The following METTL15 variants were observed in gnomAD, a reference collection of about 807,000 sequenced individuals.
METTL15 encodes methyltransferase 15, mitochondrial 12S rRNA N4-cytidine, also known as 12S rRNA N(4)-cytidine methyltransferase METTL15.
In METTL15, 34 loss-of-function variants were observed where a neutral mutation model predicts 38.3. The ratio of observed to expected loss-of-function variants is 0.89; its 90% CI spans 0.68 to 1.18. The LOEUF (loss-of-function observed/expected upper bound fraction) is 1.18. Among genes scored for constraint, METTL15 ranks in the 50% most tolerant of loss-of-function variants. The pLI is 0.00. For synonymous variants in METTL15, 162 were observed against 170.9 expected, an observed-to-expected ratio of 0.95 and a Z score of 0.41; for missense variants, 438 against 498.4, an observed-to-expected ratio of 0.88 and a Z score of 1.15.
intron 3 of METTL15, among the ~76,000 whole-genome samples, chr11:28,188,840 C>T (rs1253440882): frequency 2.6e-5 from 4 of 151,180 alleles, no homozygotes; most frequent in East Asian, 1.9e-4. Flanking sequence ...AGTGTCATTA[C>T]GAACTCCTTT....
intron 5 of METTL15, among the ~76,000 whole-genome samples, chr11:28,369,446 G>T (rs984492532): frequency 1.3e-5 from 2 of 151,922 alleles, no homozygotes; most frequent in African/African-American, 2.4e-5. Flanking sequence ...AATTCAAGGA[G>T]CTCAAAGGAC....
chr11:28,220,754 C>T (rs1188404028), intron 4 of METTL15, among the ~76,000 whole-genome samples: 15 of 152,110 alleles, frequency 9.9e-5, no homozygotes, highest in Admixed American at 9.8e-4. Context: ...TAGGGCAGGG[C>T]TGGTGGTGAC....
intron 5 of METTL15, among the ~76,000 whole-genome samples, chr11:28,372,561 T>G (rs551198235): frequency 1.3e-5 from 2 of 152,042 alleles, no homozygotes; most frequent in East Asian, 3.9e-4. Context: ...TTGACATTTC[T>G]TAAAAATAAC....
chr11:28,315,576 T>C (rs1857450064), intron 6 of METTL15, among the ~76,000 whole-genome samples: 1 of 152,238 alleles, frequency 6.6e-6, no homozygotes. Flanking sequence ...CCAAGCTGAC[T>C]GCAGAAATTT....
chr11:28,411,283 G>T (rs904772827), intron 5 of METTL15, among the ~76,000 whole-genome samples: 1 of 151,762 alleles, frequency 6.6e-6, no homozygotes, highest in Non-Finnish European at 1.5e-5. Context: ...ATCGCCAATA[G>T]CCAAATAAAT....
chr11:28,282,399 A>G (rs1242496081), intron 4 of METTL15, among the ~76,000 whole-genome samples: 2 of 152,226 alleles, frequency 1.3e-5, no homozygotes, highest in African/African-American at 4.8e-5. Context: ...GATTAGAGGA[A>G]AAAAAGTACA....
At chr11:28,207,617 G>C (rs13288230) in intron 3 of METTL15, among the ~76,000 whole-genome samples, 2 of 152,104 alleles carry the variant, frequency 1.3e-5, no homozygotes, top group African/African-American at 4.8e-5. Context: ...GATGATGCTG[G>C]CCTCATAAAA....
intron 5 of METTL15, among the ~76,000 whole-genome samples, chr11:28,404,159 G>T (rs1427824994): frequency 6.6e-6 from 1 of 151,952 alleles, no homozygotes; most frequent in Non-Finnish European, 1.5e-5. Flanking sequence ...ATACCTTTTG[G>T]AAGTTTATTA....
intron 5 of METTL15, among the ~76,000 whole-genome samples, chr11:28,379,025 T>A (rs1431977631): frequency 2.0e-5 from 3 of 152,052 alleles, no homozygotes; most frequent in African/African-American, 7.2e-5. Flanking sequence ...TTCATAATAG[T>A]CTCTAATGAT....
At chr11:28,273,638 A>T (rs1449253878) in intron 4 of METTL15, among the ~76,000 whole-genome samples, 1 of 152,102 alleles carries the variant, frequency 6.6e-6, no homozygotes, top group Admixed American at 6.6e-5. Flanking sequence ...TAATAATTGA[A>T]TTATAAAACC....
chr11:28,272,762 G>T (rs1855697098), intron 4 of METTL15, among the ~76,000 whole-genome samples: 1 of 152,068 alleles, frequency 6.6e-6, no homozygotes, highest in Non-Finnish European at 1.5e-5. Context: ...TGCTGAATCA[G>T]GTTCATCACA....
intron 3 of METTL15, chr11:28,134,782 G>A (rs148266270): frequency 5.1e-6 from 2 of 389,294 alleles, no homozygotes; most frequent in Non-Finnish European, 9.1e-6. Context: ...GAAACAAGGG[G>A]TTAAGGACTG....
intron 6 of METTL15, among the ~76,000 whole-genome samples, chr11:28,500,895 C>T (rs1382223793): frequency 1.3e-5 from 2 of 152,126 alleles, no homozygotes. Flanking sequence ...AGCCCAAGTG[C>T]TATATCTATC....
intron 5 of METTL15, among the ~76,000 whole-genome samples, chr11:28,373,561 G>A (rs1018426999): frequency 1.1e-4 from 16 of 152,108 alleles, no homozygotes; most frequent in African/African-American, 3.9e-4. Context: ...CTCCCATTTT[G>A]TAGGTTGCCT....
intron 3 of METTL15, among the ~76,000 whole-genome samples, chr11:28,170,752 A>C (rs1850827351): frequency 6.6e-6 from 1 of 152,148 alleles, no homozygotes; most frequent in Non-Finnish European, 1.5e-5. Context: ...TATAATGAGC[A>C]GTGAGGAGGA....
Position 28,330,770 on chromosome 11 carries a change from C to T in METTL15, c.1153C>T (p.Pro385Ser). 1.9e-6 allele frequency: 3 copies of T among 1,551,780 alleles called. No individual in the cohort carries two copies. Among genetic ancestry groups the T allele is most frequent in the Non-Finnish European group, 2.6e-6 (3 of 1,146,866 alleles). Residue 385 changes from proline (P) to serine (S), a missense_variant, in exon 7 of 7, where the codon CCA becomes TCA. Pro to Ser is a moderately conservative substitution (Grantham distance 74). Coordinates refer to ENST00000407364, the MANE Select transcript of METTL15 (RefSeq NM_001113528.2). ...ATTGATACACAAGAAGGTACTTAGT[C>T]CACAAGATCAGGATGTACAAGATAA... ...WELIHKKVLSPQDQDVQDNPR... is the reference protein window; with the variant it reads ...WELIHKKVLSSQDQDVQDNPR...
At chr11:28,364,223 C>T (rs1427859773) in intron 5 of METTL15, among the ~76,000 whole-genome samples, 1 of 152,102 alleles carries the variant, frequency 6.6e-6, no homozygotes, top group African/African-American at 2.4e-5. Flanking sequence ...TGAAAAATGA[C>T]ATTGGTATTT....
At chr11:28,209,384 A>T (rs1852524071) in intron 3 of METTL15, among the ~76,000 whole-genome samples, 1 of 152,024 alleles carries the variant, frequency 6.6e-6, no homozygotes, top group Non-Finnish European at 1.5e-5. Context: ...ATAGTGGAAG[A>T]TTTTTGCCAA....
chr11:28,223,117 A>G (rs371906592), intron 4 of METTL15, among the ~76,000 whole-genome samples: 11 of 152,286 alleles, frequency 7.2e-5, no homozygotes, highest in East Asian at 5.8e-4. Flanking sequence ...ATCTAAGTAA[A>G]AGAATATCTA....
Sources: allele counts gnomAD v4.1 joint callset (sites outside exome capture counted in the v4.1 genomes callset), GRCh38; gene constraint gnomAD v4.1.1; transcripts MANE v1.5; gene names NCBI Gene and HGNC (gene_info 2026-07-23, HGNC 2026-07-21).